The following KCNG3 variants were observed in gnomAD, a reference collection of about 807,000 sequenced individuals.
The protein encoded by KCNG3 is voltage-gated potassium channel regulatory subunit KCNG3.
A neutral mutation model predicts 29.0 loss-of-function variants in KCNG3; 15 were observed. The observed-to-expected ratio is 0.52, with a 90% CI of 0.35 to 0.80. The LOEUF (loss-of-function observed/expected upper bound fraction) is 0.80. KCNG3 is among the 30% of genes least tolerant of loss of function. KCNG3 has a pLI of 0.01. For missense variants in KCNG3, 512 were observed against 605.7 expected, an observed-to-expected ratio of 0.85 and a Z score of 1.62; for synonymous variants, 322 against 248.9, an observed-to-expected ratio of 1.29 and a Z score of -2.76.
At chr2:42,431,780 T>G in the KCNG3 span, among the ~76,000 whole-genome samples, 1 of 152,208 alleles carries the variant, frequency 6.6e-6, no homozygotes, top group African/African-American at 2.4e-5. Flanking sequence ...GCTTCTGCCT[T>G]TAACCCCAAC....
At chr2:42,390,878 A>G in the KCNG3 span, among the ~76,000 whole-genome samples, 1 of 152,180 alleles carries the variant, frequency 6.6e-6, no homozygotes, top group African/African-American at 2.4e-5. Context: ...ATTTTCTCCG[A>G]GAGTCCAATT....
intron 1 of KCNG3, among the ~76,000 whole-genome samples, chr2:42,486,206 C>T (rs1466317410): frequency 6.6e-6 from 1 of 152,204 alleles, no homozygotes; most frequent in African/African-American, 2.4e-5. Context: ...CCTGTGGGCC[C>T]TAGCACAGCT....
At chr2:42,490,879 G>C (rs1169738156) in intron 1 of KCNG3, among the ~76,000 whole-genome samples, 1 of 152,142 alleles carries the variant, frequency 6.6e-6, no homozygotes, top group African/African-American at 2.4e-5. Flanking sequence ...GACAGGTTAA[G>C]GGCCCTCTCT....
intron 1 of KCNG3, among the ~76,000 whole-genome samples, chr2:42,448,655 T>C (rs1672664732): frequency 6.6e-6 from 1 of 152,162 alleles, no homozygotes; most frequent in African/African-American, 2.4e-5. Context: ...AGTTTGTTTT[T>C]CAACCAAATG....
intron 1 of KCNG3, among the ~76,000 whole-genome samples, chr2:42,458,981 G>A (rs1672946273): frequency 6.6e-6 from 1 of 152,146 alleles, no homozygotes; most frequent in Non-Finnish European, 1.5e-5. Flanking sequence ...TGGATTACCT[G>A]AGGTCAGGAG....
chr2:42,423,857 G>A, the KCNG3 span, among the ~76,000 whole-genome samples: 1 of 151,096 alleles, frequency 6.6e-6, no homozygotes, highest in Admixed American at 6.6e-5. Context: ...TGACAGGGAA[G>A]TATGTGCTTA....
At chr2:42,429,889 G>A in the KCNG3 span, among the ~76,000 whole-genome samples, 1 of 152,156 alleles carries the variant, frequency 6.6e-6, no homozygotes, top group Non-Finnish European at 1.5e-5. Flanking sequence ...GAGGCAGGAG[G>A]AAAGAGAACA....
At chr2:42,470,270 T>C in intron 1 of KCNG3, 1 of 394,524 alleles carries the variant, frequency 2.5e-6, no homozygotes, top group Non-Finnish European at 4.9e-6. Flanking sequence ...CGCATAAATT[T>C]GTCTATGTAC....
chr2:42,451,933 G>A (rs1270438372), intron 1 of KCNG3, among the ~76,000 whole-genome samples: 3 of 151,570 alleles, frequency 2.0e-5, no homozygotes, highest in Non-Finnish European at 4.4e-5. Context: ...CAACAACAAA[G>A]ATACAATCAA....
chr2:42,403,621 CTT>C, the KCNG3 span, among the ~76,000 whole-genome samples: 35 of 134,364 alleles, frequency 2.6e-4, no homozygotes, highest in South Asian at 4.7e-4. Flanking sequence ...ACTTTTTTTT[CTT>C]TTTTTTTTTT....
intron 1 of KCNG3, chr2:42,463,799 T>C (rs1013622014): frequency 1.9e-5 from 4 of 212,090 alleles, no homozygotes; most frequent in African/African-American, 4.7e-5. Flanking sequence ...TGTCAGGCCA[T>C]ATCTGGTCCA....
chr2:42,428,498 A>G, the KCNG3 span, among the ~76,000 whole-genome samples: 1 of 151,384 alleles, frequency 6.6e-6, no homozygotes, highest in Non-Finnish European at 1.5e-5. Flanking sequence ...AAGTTTGACA[A>G]TTACTGCACT....
chr2:42,452,802 G>T (rs889003855), intron 1 of KCNG3, among the ~76,000 whole-genome samples: 15 of 143,954 alleles, frequency 1.0e-4, no homozygotes, highest in Non-Finnish European at 2.0e-4. Context: ...TGTGTTTTGA[G>T]ATGAAGTCTC....
the KCNG3 span, among the ~76,000 whole-genome samples, chr2:42,395,685 T>G: frequency 1.3e-5 from 2 of 152,224 alleles, no homozygotes; most frequent in African/African-American, 4.8e-5. Flanking sequence ...CCAGCCATGT[T>G]GACTCACGCC....
At chr2:42,408,508 G>A in the KCNG3 span, among the ~76,000 whole-genome samples, 1 of 152,260 alleles carries the variant, frequency 6.6e-6, no homozygotes, top group East Asian at 1.9e-4. Flanking sequence ...GAGAGCTGCA[G>A]AGATTTTGGG....
intron 1 of KCNG3, among the ~76,000 whole-genome samples, chr2:42,447,279 T>C (rs1672624051): frequency 6.6e-6 from 1 of 150,876 alleles, no homozygotes; most frequent in Non-Finnish European, 1.5e-5. Context: ...TGTATATATA[T>C]ATACATACAG....
At chr2:42,480,617 C>A (rs181474333) in intron 1 of KCNG3, among the ~76,000 whole-genome samples, 1 of 151,940 alleles carries the variant, frequency 6.6e-6, no homozygotes, top group Non-Finnish European at 1.5e-5. Context: ...GTAGTGTTCA[C>A]GAGTCACAAA....
intron 1 of KCNG3, chr2:42,469,913 A>G (rs926536638): frequency 6.6e-6 from 2 of 301,484 alleles, no homozygotes; most frequent in Non-Finnish European, 6.1e-6. Context: ...ATCTGATGAA[A>G]TGAAGGAGAT....
chr2:42,406,781 C>T, the KCNG3 span, among the ~76,000 whole-genome samples: 3 of 148,438 alleles, frequency 2.0e-5, no homozygotes, highest in African/African-American at 7.5e-5. Flanking sequence ...GAGCTGAGAT[C>T]GCACCACTGC....
Sources: gnomAD v4.1 joint callset for allele counts (sites outside exome capture counted in the v4.1 genomes callset) on GRCh38, gnomAD v4.1.1 for gene constraint, MANE v1.5 for transcripts, NCBI Gene and HGNC (gene_info 2026-07-23, HGNC 2026-07-21) for gene names.